The following ADCYAP1R1 variants were observed in gnomAD, a reference collection of about 807,000 sequenced individuals.
ADCYAP1R1 encodes pituitary adenylate cyclase-activating polypeptide type I receptor.
In ADCYAP1R1, 44 loss-of-function variants were observed where a neutral mutation model predicts 67.6. The ratio of observed to expected loss-of-function variants is 0.65; its 90% CI spans 0.51 to 0.84. ADCYAP1R1 has a LOEUF of 0.84. Among genes scored for constraint, ADCYAP1R1 ranks in the 40% least tolerant of loss-of-function variants. The probability of loss-of-function intolerance (pLI) is 0.00; values close to 1 mark genes in which losing one functional copy is unlikely to be tolerated. For missense variants in ADCYAP1R1, 477 were observed against 587.9 expected, an observed-to-expected ratio of 0.81 and a Z score of 1.95; for synonymous variants, 222 against 219.6, an observed-to-expected ratio of 1.01 and a Z score of -0.10.
At chr7:31,074,002 G>A (rs1403736160) in intron 3 of ADCYAP1R1, among the ~76,000 whole-genome samples, 1 of 152,178 alleles carries the variant, frequency 6.6e-6, no homozygotes, top group Non-Finnish European at 1.5e-5. Flanking sequence ...CCAGGCCCCG[G>A]CCTGGGGTGG....
intron 3 of ADCYAP1R1, among the ~76,000 whole-genome samples, chr7:31,071,285 C>G (rs1449059779): frequency 6.6e-6 from 1 of 152,216 alleles, no homozygotes; most frequent in African/African-American, 2.4e-5. Context: ...TTTCCTCCTG[C>G]TCTCACACTT....
intron 13 of ADCYAP1R1, among the ~76,000 whole-genome samples, chr7:31,098,743 A>G (rs1796317716): frequency 6.8e-6 from 1 of 148,026 alleles, no homozygotes; most frequent in Non-Finnish European, 1.5e-5. Flanking sequence ...CATCTTGGAA[A>G]TGTGTGACAC....
At chr7:31,089,400 G>A (rs1411380505) in intron 12 of ADCYAP1R1, among the ~76,000 whole-genome samples, 1 of 143,662 alleles carries the variant, frequency 7.0e-6, no homozygotes, top group Non-Finnish European at 1.5e-5. Flanking sequence ...AATTGGGAAA[G>A]TTTTTCATCT....
At chr7:31,087,059 G>A in intron 11 of ADCYAP1R1, 56 bp downstream of exon 11, 8 of 1,585,590 alleles carry the variant, frequency 5.0e-6, no homozygotes, top group Non-Finnish European at 6.9e-6. Context: ...TTACAGATGG[G>A]TTCTCAGTAG....
intron 13 of ADCYAP1R1, chr7:31,100,227 G>C: frequency 6.5e-7 from 1 of 1,549,864 alleles, no homozygotes; most frequent in Non-Finnish European, 8.7e-7. Flanking sequence ...GTGCGTGGCC[G>C]AGGCTGTGGC....
intron 13 of ADCYAP1R1, among the ~76,000 whole-genome samples, chr7:31,096,722 T>C (rs1234320349): frequency 6.6e-6 from 1 of 152,082 alleles, no homozygotes; most frequent in Non-Finnish European, 1.5e-5. Flanking sequence ...GCTGTGCTGC[T>C]AGCTGGGGTG....
chr7:31,081,231 G>A (rs1795499873), intron 5 of ADCYAP1R1, among the ~76,000 whole-genome samples: 1 of 152,116 alleles, frequency 6.6e-6, no homozygotes, highest in South Asian at 2.1e-4. Flanking sequence ...AGGGTAGGGA[G>A]AGAAGAAAAA....
chr7:31,064,379 T>C (rs1309807728), intron 2 of ADCYAP1R1, among the ~76,000 whole-genome samples: 26 of 152,206 alleles, frequency 1.7e-4, no homozygotes, highest in Admixed American at 1.7e-3. Context: ...AATCCTGGCT[T>C]TTCAGCCTAC....
intron 3 of ADCYAP1R1, among the ~76,000 whole-genome samples, chr7:31,075,901 C>T (rs1023727394): frequency 8.5e-5 from 13 of 152,104 alleles, no homozygotes; most frequent in African/African-American, 2.9e-4. Context: ...CAAGGTAAAA[C>T]CAGCAAGGGC....
chr7:31,104,947 T>C, intron 15 of ADCYAP1R1, 38 bp downstream of exon 15: 5 of 1,605,242 alleles, frequency 3.1e-6, no homozygotes, highest in Non-Finnish European at 4.3e-6. Context: ...GCAGTGGAAG[T>C]GGGGCTTTCT....
rs1210709145 is a variant in ADCYAP1R1, at chr7:31,078,022, T to C, written c.189T>C (p.Cys63=). The change falls in exon 4 of 16, where the codon TGT becomes TGC. Residue 63 remains cysteine, a synonymous_variant. Transcript: ENST00000304166. ...GCPGMWDNIT[C]WKPAHVGEMV... is the part of the protein sequence containing the mutation. ...CTGGGATGTGGGACAACATCACGTG[T>C]TGGAAGCCCGCCCATGTGGGTGAGA... 1 of 1,612,824 alleles carries C rather than the reference T, an allele frequency of 6.2e-7. No individual in the cohort carries two copies. The highest frequency in any genetic ancestry group is 1.3e-5 in the African/African-American group (1 of 74,864).
At chr7:31,099,976 A>G (rs993102771) in intron 13 of ADCYAP1R1, 5 of 714,364 alleles carry the variant, frequency 7.0e-6, no homozygotes, top group Admixed American at 4.3e-5. Context: ...AGAGCTGCCC[A>G]TGTCTTGGCC....
chr7:31,074,465 G>T (rs562434253), intron 3 of ADCYAP1R1, among the ~76,000 whole-genome samples: 4 of 152,196 alleles, frequency 2.6e-5, no homozygotes, highest in African/African-American at 9.6e-5. Context: ...TGTGCCACCC[G>T]CCCGACCTCT....
Position 31,107,937 on chromosome 7 carries a change from A to T in ADCYAP1R1, c.*1253A>T, listed in dbSNP as rs2128644389. On this transcript the variant is annotated 3_prime_UTR_variant, in exon 16 of 16. Coordinates refer to ENST00000304166, the MANE Select transcript of ADCYAP1R1 (RefSeq NM_001118.5). Reference sequence around the variant, plus strand: ...GCTGATGTGGCAGCTGCTCCCTACCACCCGCCCTGGCTCCCCAGCTGCAGG... The same window carrying T: ...GCTGATGTGGCAGCTGCTCCCTACCTCCCGCCCTGGCTCCCCAGCTGCAGG... 1 of 151,956 alleles carries T rather than the reference A, an allele frequency of 6.6e-6. No individual in the cohort carries two copies. Among genetic ancestry groups the T allele is most frequent in the Middle Eastern group, 3.4e-3 (1 of 294 alleles). The allele number at this position is 151,956 out of a possible 1,614,324, so 9.4% of individuals were successfully genotyped here.
chr7:31,058,737 G>T (rs190786325), intron 1 of ADCYAP1R1, among the ~76,000 whole-genome samples: 452 of 152,288 alleles, frequency 3.0e-3, no homozygotes, highest in Non-Finnish European at 5.0e-3. Context: ...GGTGTGTGTG[G>T]GGGTCCCTAC....
At chr7:31,061,554 G>C (rs1794501800) in intron 1 of ADCYAP1R1, among the ~76,000 whole-genome samples, 1 of 152,210 alleles carries the variant, frequency 6.6e-6, no homozygotes, top group African/African-American at 2.4e-5. Context: ...TGACCCACAG[G>C]AGGAGGCTGG....
chr7:31,058,875 C>T (rs1794373566), intron 1 of ADCYAP1R1, among the ~76,000 whole-genome samples: 1 of 152,088 alleles, frequency 6.6e-6, no homozygotes, highest in Non-Finnish European at 1.5e-5. Flanking sequence ...CTACCAGGGA[C>T]TTGCTGTGTG....
At chr7:31,063,937 G>A (rs1048610032) in intron 2 of ADCYAP1R1, among the ~76,000 whole-genome samples, 7 of 152,212 alleles carry the variant, frequency 4.6e-5, no homozygotes, top group Non-Finnish European at 7.3e-5. Flanking sequence ...AATGGCCCTT[G>A]GCAATCAAAT....
At chr7:31,098,712 G>A (rs940501900) in intron 13 of ADCYAP1R1, among the ~76,000 whole-genome samples, 50 of 119,632 alleles carry the variant, frequency 4.2e-4, no homozygotes, top group African/African-American at 1.2e-3. Context: ...GCGGGGGGGG[G>A]GGGGGGACCT....
Sources: allele counts gnomAD v4.1 joint callset (sites outside exome capture counted in the v4.1 genomes callset), GRCh38; gene constraint gnomAD v4.1.1; transcripts MANE v1.5; gene names NCBI Gene and HGNC (gene_info 2026-07-23, HGNC 2026-07-21).